Variants in STK3 observed in about 807,000 individuals in gnomAD.
The protein encoded by STK3 is serine/threonine-protein kinase 3.
A neutral mutation model predicts 58.0 loss-of-function variants in STK3; 41 were observed. That is an observed-to-expected ratio of 0.71 (90% CI 0.55 to 0.92). STK3 has a LOEUF of 0.92. Ranked by LOEUF, STK3 falls within the 40% of genes least tolerant of loss-of-function variation. STK3 has a pLI of 0.00. For missense variants in STK3, 479 were observed against 602.7 expected (o/e 0.79, Z 2.15); for synonymous variants, 170 against 191.0 (o/e 0.89, Z 0.91).
downstream of STK3, chr8:98,883,684 C>CT (rs1357341666): frequency 1.4e-6 from 1 of 702,820 alleles, no homozygotes; most frequent in Admixed American, 2.0e-5. Flanking sequence ...GTGCTCCATT[C>CT]TTTTTTCTTG....
intron 6 of STK3, among the ~76,000 whole-genome samples, chr8:98,694,920 C>A (rs190225458): frequency 6.6e-6 from 1 of 152,300 alleles, no homozygotes; most frequent in Admixed American, 6.5e-5. Context: ...CCTGAAGAAT[C>A]GCCACACTGA....
At chr8:98,516,642 T>C (rs1251848980) in intron 10 of STK3, among the ~76,000 whole-genome samples, 1 of 151,984 alleles carries the variant, frequency 6.6e-6, no homozygotes, top group Non-Finnish European at 1.5e-5. Flanking sequence ...AAAACAAAAA[T>C]GATTAAATGG....
chr8:98,777,606 C>T (rs999256122), intron 1 of STK3, among the ~76,000 whole-genome samples: 1 of 152,102 alleles, frequency 6.6e-6, no homozygotes, highest in Non-Finnish European at 1.5e-5. Flanking sequence ...GAAAAAGTGC[C>T]GGAAGACAAC....
At chr8:98,362,414 C>T in the STK3 span, among the ~76,000 whole-genome samples, 2 of 152,220 alleles carry the variant, frequency 1.3e-5, no homozygotes, top group African/African-American at 4.8e-5. Flanking sequence ...ACAGGTTGAG[C>T]TGGGGGGCTG....
chr8:98,448,769 A>G (rs1289923042), intron 1 of STK3, among the ~76,000 whole-genome samples: 1 of 152,200 alleles, frequency 6.6e-6, no homozygotes, highest in Non-Finnish European at 1.5e-5. Context: ...TTTTCTGTTG[A>G]GGAAACATGG....
intron 10 of STK3, among the ~76,000 whole-genome samples, chr8:98,521,972 T>C (rs1164359393): frequency 6.6e-6 from 1 of 152,172 alleles, no homozygotes; most frequent in African/African-American, 2.4e-5. Context: ...TCATACCTTG[T>C]CCTCTTAATA....
chr8:98,536,685 C>T (rs1484674591), intron 9 of STK3, among the ~76,000 whole-genome samples: 1 of 152,168 alleles, frequency 6.6e-6, no homozygotes, highest in Non-Finnish European at 1.5e-5. Context: ...GCCGGATACT[C>T]TGCTTTTGGA....
In STK3 at chr8:98,657,827, G is replaced by C. The variant is rs1433930732; in HGVS notation, c.684+48640C>G. ...CACAGACACATTCTCAATAAAAATGGAAATAAAACTAGAATAACAGTCTAC... is the reference window on the plus strand; with the variant it reads ...CACAGACACATTCTCAATAAAAATGCAAATAAAACTAGAATAACAGTCTAC... On this transcript the variant is annotated intron_variant, in intron 6 of 10. Transcript: ENST00000419617. 4.6e-5 allele frequency among the ~76,000 whole-genome samples: 7 copies of C among 151,962 alleles called. No homozygotes were observed. In the East Asian group the frequency reaches 1.4e-3, roughly 29 times the overall value.
intron 10 of STK3, among the ~76,000 whole-genome samples, chr8:98,507,096 T>C (rs1446966192): frequency 6.6e-6 from 1 of 152,204 alleles, no homozygotes; most frequent in Non-Finnish European, 1.5e-5. Context: ...ACAGACCCCT[T>C]TTCTTCTCTA....
At chr8:98,879,376 G>A (rs1837708628), downstream of STK3, 1 of 152,146 alleles carries the variant, frequency 6.6e-6, no homozygotes. Flanking sequence ...GGATACGGAT[G>A]GCTGACCACG....
chr8:98,359,157 A>G, the STK3 span, among the ~76,000 whole-genome samples: 4 of 152,012 alleles, frequency 2.6e-5, no homozygotes, highest in Non-Finnish European at 2.9e-5. Context: ...GCAAAAGCAA[A>G]TATCTTGACT....
chr8:98,579,028 G>C (rs977728391), intron 8 of STK3, among the ~76,000 whole-genome samples: 2 of 152,070 alleles, frequency 1.3e-5, no homozygotes, highest in Non-Finnish European at 2.9e-5. Flanking sequence ...GTGTGCGCCT[G>C]TAGTCCCAGA....
At chr8:98,468,251 A>C (rs568085244) in intron 10 of STK3, among the ~76,000 whole-genome samples, 1 of 152,326 alleles carries the variant, frequency 6.6e-6, no homozygotes, top group East Asian at 1.9e-4. Flanking sequence ...CTGCATTCTC[A>C]CTTGCCACAT....
intron 4 of STK3, among the ~76,000 whole-genome samples, chr8:98,741,292 AT>A (rs1367315987): frequency 6.6e-6 from 1 of 152,130 alleles, no homozygotes; most frequent in East Asian, 1.9e-4. Flanking sequence ...CAGAATATAC[AT>A]TTTTTTCAGC....
At chr8:98,819,685 C>T (rs540891563) in intron 1 of STK3, among the ~76,000 whole-genome samples, 2 of 152,268 alleles carry the variant, frequency 1.3e-5, no homozygotes, top group Admixed American at 1.3e-4. Flanking sequence ...TCCTCTGAGT[C>T]TGCTGGGGTT....
At chr8:98,438,525 C>G (rs1200643561) in intron 1 of STK3, 1 of 152,210 alleles carries the variant, frequency 6.6e-6, no homozygotes, top group Non-Finnish European at 1.5e-5. Context: ...TTTGCCAGGC[C>G]CTGTGCTGGC....
chr8:98,598,682 A>C, intron 6 of STK3: 1 of 985,392 alleles, frequency 1.0e-6, no homozygotes, highest in Non-Finnish European at 1.2e-6. Context: ...CTAACAATTC[A>C]TTCCCTTGCC....
At chr8:98,367,065 T>G (rs780318824), downstream of STK3, among the ~76,000 whole-genome samples, 3 of 152,226 alleles carry the variant, frequency 2.0e-5, no homozygotes, top group Non-Finnish European at 2.9e-5. Context: ...TTGGTGGCTC[T>G]CCAGTTTCAT....
At chr8:98,702,694 C>T (rs1308520538) in intron 6 of STK3, among the ~76,000 whole-genome samples, 1 of 152,146 alleles carries the variant, frequency 6.6e-6, no homozygotes, top group Admixed American at 6.5e-5. Context: ...TAATTATATA[C>T]AGCTAGTGGG....
Sources: allele counts gnomAD v4.1 joint callset (sites outside exome capture counted in the v4.1 genomes callset), GRCh38; gene constraint gnomAD v4.1.1; transcripts MANE v1.5; gene names NCBI Gene and HGNC (gene_info 2026-07-23, HGNC 2026-07-21).